Variants in PRKDC observed in about 807,000 individuals in gnomAD.
PRKDC encodes the protein DNA-dependent protein kinase catalytic subunit.
In PRKDC, 82 loss-of-function variants were observed where a neutral mutation model predicts 486.9. The ratio of observed to expected loss-of-function variants is 0.17; its 90% CI spans 0.14 to 0.20. The LOEUF is 0.20. PRKDC is among the 10% of genes least tolerant of loss of function. The probability of loss-of-function intolerance (pLI) is 1.00; values close to 1 mark genes in which losing one functional copy is unlikely to be tolerated. For synonymous variants in PRKDC, 1,895 were observed against 1,837.0 expected, an observed-to-expected ratio of 1.03 and a Z score of -0.81; for missense variants, 4,504 against 5,038.2, an observed-to-expected ratio of 0.89 and a Z score of 3.21.
chr8:47,803,525 C>A, intron 69 of PRKDC, 45 bp from the exon 70 acceptor site: 1 of 1,591,580 alleles, frequency 6.3e-7, no homozygotes, highest in East Asian at 2.2e-5. Context: ...TGATGATACA[C>A]AAGTGACAGA....
intron 43 of PRKDC, 117 bp from the exon 44 acceptor site, chr8:47,862,244 T>A (rs990173354): frequency 1.2e-4 from 164 of 1,338,628 alleles, no homozygotes; most frequent in Non-Finnish European, 1.7e-4. Context: ...GCTTTAAATA[T>A]ACCTATGCAG....
intron 40 of PRKDC, among the ~76,000 whole-genome samples, chr8:47,874,480 G>A (rs2089042864): frequency 6.6e-6 from 1 of 152,136 alleles, no homozygotes; most frequent in Non-Finnish European, 1.5e-5. Context: ...TATCTGGGCC[G>A]AGCACTGTGG....
rs146508441 is a variant in PRKDC, at chr8:47,936,757, C to T, written c.1114-240G>A. Among the ~76,000 whole-genome samples, 113 of 150,410 alleles carry T rather than the reference C, an allele frequency of 7.5e-4. 2 individuals carry two copies. The East Asian group carries it at 0.022, about 29-fold the overall frequency. On this transcript the variant is annotated intron_variant, in intron 11 of 85. Coordinates refer to ENST00000314191, the MANE Select transcript of PRKDC (RefSeq NM_006904.7). Reference sequence around the variant, plus strand: ...TCAGCCTCCCGAGTAGCTGGGATTACAGGCATGTGCCACCACGCCTGGCTA... The same window carrying T: ...TCAGCCTCCCGAGTAGCTGGGATTATAGGCATGTGCCACCACGCCTGGCTA...
intron 71 of PRKDC, among the ~76,000 whole-genome samples, chr8:47,800,178 AT>A (rs2087072033): frequency 6.6e-6 from 1 of 152,050 alleles, no homozygotes. Flanking sequence ...TTGCGGCACT[AT>A]TCACAATAGC....
At chr8:47,826,992 G>C (rs866235727) in intron 62 of PRKDC, 131 bp from the exon 63 acceptor site, 17 of 838,418 alleles carry the variant, frequency 2.0e-5, no homozygotes, top group Middle Eastern at 2.9e-4. Context: ...GTTTCTCTGT[G>C]TAATGCTATT....
At position 47,881,988 on chromosome 8, in the gene PRKDC, C is replaced by T. The variant is rs1353684391; in HGVS notation, c.4886G>A (p.Cys1629Tyr). ...GGAATCTTTGGCCCACCATGAATCA[C>T]ACTTCTTCCAGTGTTGCAGAATTGT... ...ATTILQHWKKCDSWWAKDSPL... is the reference protein window; with the variant it reads ...ATTILQHWKKYDSWWAKDSPL... Residue 1629 changes from cysteine to tyrosine, a missense_variant, in exon 37 of 86, where the codon TGT (cysteine) becomes TAT (tyrosine). Cys to Tyr is a radical substitution (Grantham distance 194). Coordinates refer to ENST00000314191, the MANE Select transcript of PRKDC (RefSeq NM_006904.7). The T allele has an allele frequency of 1.2e-6, 2 of 1,614,028 alleles. No individual in the cohort carries two copies. Among genetic ancestry groups the T allele is most frequent in the East Asian group, 4.5e-5 (2 of 44,876 alleles).
intron 40 of PRKDC, among the ~76,000 whole-genome samples, chr8:47,873,649 T>G (rs141712700): frequency 1.1e-3 from 166 of 152,276 alleles, no homozygotes; most frequent in African/African-American, 3.6e-3. Flanking sequence ...AAAGAAAATA[T>G]ACACAGTGGA....
intron 23 of PRKDC, 106 bp downstream of exon 23, chr8:47,915,222 T>A (rs2089967016): frequency 3.7e-5 from 23 of 620,222 alleles, no homozygotes; most frequent in South Asian, 3.4e-4. Context: ...TAGAAATATA[T>A]AAATCACATA....
chr8:47,878,783 T>C (rs576017470), intron 39 of PRKDC, among the ~76,000 whole-genome samples: 1 of 152,228 alleles, frequency 6.6e-6, no homozygotes, highest in Non-Finnish European at 1.5e-5. Context: ...CTGAAACTGT[T>C]GTGTGCAGTT....
chr8:47,777,237 T>G lies in PRKDC; in HGVS notation c.12043-254A>C, dbSNP rs1048168549. On this transcript the variant is annotated intron_variant, in intron 84 of 85. Coordinates refer to ENST00000314191, the MANE Select transcript of PRKDC (RefSeq NM_006904.7). ...ATTTTTTTTTTTTTGAGGCGGAGTT[T>G]CACTCTTGTCACCCAGGCTGGAGTG... 5.9e-5 allele frequency among the ~76,000 whole-genome samples: 9 copies of G among 152,016 alleles called. No homozygotes were observed. The South Asian group carries it at 6.2e-4, about 11-fold the overall frequency.
At chr8:47,913,004 GA>G (rs1423216401) in intron 24 of PRKDC, among the ~76,000 whole-genome samples, 1 of 152,164 alleles carries the variant, frequency 6.6e-6, no homozygotes, top group Non-Finnish European at 1.5e-5. Context: ...ACCCTGCATT[GA>G]GAAATTCTAT....
chr8:47,855,180 A>C, intron 50 of PRKDC, 42 bp downstream of exon 50: 1 of 1,495,830 alleles, frequency 6.7e-7, no homozygotes, highest in Non-Finnish European at 9.0e-7. Flanking sequence ...CTACATTTTA[A>C]CCTAAATTTC....
At chr8:47,933,282 GAA>G (rs2090289207) in intron 15 of PRKDC, 110 bp from the exon 16 acceptor site, 2 of 899,006 alleles carry the variant, frequency 2.2e-6, no homozygotes, top group Non-Finnish European at 3.1e-6. Flanking sequence ...GGGTATTATG[GAA>G]ACAGTGATGA....
In PRKDC at chr8:47,849,443, T is replaced by C. The variant is rs761890833; in HGVS notation, c.7066A>G (p.Met2356Val). ...AKQLKQHQNT[M>V]EDKFIVCLNK... The stretch of plus-strand genomic sequence containing the variant: ...AAGCACACAATAAACTTGTCCTCCA[T>C]AGTATTCTGATGTTGCTTCAATTGT... The change falls in exon 53 of 86, where the codon ATG becomes GTG. Residue 2356 changes from methionine (M) to valine (V), a missense_variant. By Grantham distance (21) the Met-to-Val change is conservative. This residue lies in a region of PRKDC where 1,592 missense variants were observed against 1,724.6 expected (regional missense o/e 0.92). Coordinates refer to ENST00000314191, the MANE Select transcript of PRKDC (RefSeq NM_006904.7). The C allele has an allele frequency of 1.2e-5, 19 of 1,614,042 alleles. No homozygotes were observed. In the South Asian group the frequency reaches 2.0e-4, roughly 17 times the overall value.
Position 47,864,697 on chromosome 8 carries a change from G to A in PRKDC, c.5430C>T (p.Pro1810=), listed in dbSNP as rs747492942. 1.2e-6 allele frequency: 2 copies of A among 1,607,490 alleles called. No individual in the cohort carries two copies. The highest frequency in any genetic ancestry group is 1.7e-5 in the Admixed American group (1 of 58,962). The change falls in exon 41 of 86, where the codon CCC becomes CCT. Residue 1810 remains proline (P), a synonymous_variant. Transcript: ENST00000314191. ...AGGACTGGCGTGTGAAACTTAGGCG[G>A]GGGTCATCCTTCCTGAACATTTCAT... ...SVYEMFRKDD[P]RLSFTRQSFV...
At chr8:47,792,279 GAC>G (rs2086894839) in intron 74 of PRKDC, among the ~76,000 whole-genome samples, 1 of 142,888 alleles carries the variant, frequency 7.0e-6, no homozygotes, top group Non-Finnish European at 1.5e-5. Context: ...TTTTTGTTGA[GAC>G]AGAGTTTTGC....
chr8:47,831,104 C>A (rs2087859413), intron 60 of PRKDC, among the ~76,000 whole-genome samples: 1 of 152,212 alleles, frequency 6.6e-6, no homozygotes, highest in Non-Finnish European at 1.5e-5. Context: ...CTCCGGCTGC[C>A]TCTGCTCCCA....
At chr8:47,855,428 T>G in intron 49 of PRKDC, 55 bp from the exon 50 acceptor site, 11 of 1,458,622 alleles carry the variant, frequency 7.5e-6, no homozygotes, top group Non-Finnish European at 1.0e-5. Flanking sequence ...CTGGAAAGCA[T>G]TTTTTAACTC....
chr8:47,933,257 T>C, intron 15 of PRKDC, 85 bp from the exon 16 acceptor site: 1 of 1,103,396 alleles, frequency 9.1e-7, no homozygotes. Context: ...CATACACAGA[T>C]GTATGTGCCG....
Sources: gnomAD v4.1 joint callset for allele counts (sites outside exome capture counted in the v4.1 genomes callset) on GRCh38, gnomAD v4.1.1 for gene constraint, gnomAD v4.1.1 regional missense constraint, MANE v1.5 for transcripts, NCBI Gene and HGNC (gene_info 2026-07-23, HGNC 2026-07-21) for gene names.